The following CD84 variants were observed in gnomAD, a reference collection of about 807,000 sequenced individuals.
CD84 encodes CD84 molecule.
A neutral mutation model predicts 33.8 loss-of-function variants in CD84; 22 were observed. The ratio of observed to expected loss-of-function variants is 0.65; its 90% CI spans 0.46 to 0.93. The LOEUF is 0.93. Ranked by LOEUF, CD84 falls within the 40% of genes least tolerant of loss-of-function variation. CD84 has a pLI of 0.00. For missense variants in CD84, 400 were observed against 397.6 expected, an observed-to-expected ratio of 1.01 and a Z score of -0.05; for synonymous variants, 154 against 145.2, an observed-to-expected ratio of 1.06 and a Z score of -0.44.
chr1:160,569,623 CAG>C (rs750797735), intron 1 of CD84, among the ~76,000 whole-genome samples: 2 of 151,866 alleles, frequency 1.3e-5, no homozygotes, highest in African/African-American at 4.8e-5. Flanking sequence ...ATGGTAGAAA[CAG>C]TGATTACGGT....
chr1:160,575,163 G>C (rs1437461428), intron 1 of CD84, among the ~76,000 whole-genome samples: 1 of 152,028 alleles, frequency 6.6e-6, no homozygotes, highest in Admixed American at 6.6e-5. Flanking sequence ...TCCACCCACT[G>C]CCTCCTAGAG....
intron 4 of CD84, 143 bp from the exon 5 acceptor site, chr1:160,551,178 A>G (rs1054115300): frequency 1.5e-5 from 10 of 681,468 alleles, no homozygotes; most frequent in African/African-American, 3.6e-5. Context: ...GGATGCTTGG[A>G]TCCTCAGAAT....
At chr1:160,553,179 A>C in intron 4 of CD84, 199 bp downstream of exon 4, 1 of 844,366 alleles carries the variant, frequency 1.2e-6, no homozygotes, top group South Asian at 1.6e-5. Flanking sequence ...TGGTGATCTC[A>C]GGAATGGATT....
rs772917681 is a variant in CD84 at position 160,553,844 on chromosome 1, C to A, written c.640+51G>T. 3.1e-6 allele frequency: 5 copies of A among 1,613,446 alleles called. No homozygotes were observed. The Admixed American group carries it at 5.0e-5, about 16-fold the overall frequency. On this transcript the variant is annotated intron_variant, in intron 3 of 6. Coordinates refer to ENST00000368054, the MANE Select transcript of CD84 (RefSeq NM_003874.4). ...TGGCCCACGTTCAGACCTTGCAGCT[C>A]CTCAGAGTGATCTCTGAGACTCACC...
chr1:160,547,722 G>A lies in CD84; in HGVS notation c.*534C>T, dbSNP rs1655912767. ...GGGCTGCATCTGCCTCAAGCGAAGG[G>A]TACATTTTCCTAATTTGCTCAAGAT... On this transcript the variant is annotated 3_prime_UTR_variant, in exon 7 of 7. Coordinates refer to ENST00000368054, the MANE Select transcript of CD84 (RefSeq NM_003874.4). 1 of 159,398 alleles carries A rather than the reference G, an allele frequency of 6.3e-6. No individual in the cohort carries two copies. 9.9% of individuals were successfully genotyped at this position (159,398 alleles called of 1,614,324 possible). A position where few individuals can be genotyped will look rare whatever the true frequency, so the allele number is the denominator to read the frequency against.
chr1:160,579,478 G>T lies in CD84; in HGVS notation c.-41C>A, dbSNP rs375734021. Reference sequence around the variant, plus strand: ...ACCTTCTGTGGAAAAGCACGGCACTGTTCTAGCAGAGTCAGTTTCACTTGA... The same window carrying T: ...ACCTTCTGTGGAAAAGCACGGCACTTTTCTAGCAGAGTCAGTTTCACTTGA... On this transcript the variant is annotated 5_prime_UTR_variant, in exon 1 of 7. Coordinates refer to ENST00000368054, the MANE Select transcript of CD84 (RefSeq NM_003874.4). The T allele has an allele frequency of 2.2e-5, 35 of 1,604,430 alleles. No individual in the cohort carries two copies. Among genetic ancestry groups the T allele is most frequent in the Non-Finnish European group, 2.9e-5 (34 of 1,175,820 alleles).
At chr1:160,573,768 C>T (rs1425006711) in intron 1 of CD84, among the ~76,000 whole-genome samples, 2 of 152,128 alleles carry the variant, frequency 1.3e-5, no homozygotes, top group East Asian at 1.9e-4. Flanking sequence ...CAACCCATCC[C>T]CTCAATACAC....
At chr1:160,573,195 T>C (rs956757199) in intron 1 of CD84, among the ~76,000 whole-genome samples, 9 of 151,978 alleles carry the variant, frequency 5.9e-5, no homozygotes, top group African/African-American at 1.7e-4. Context: ...TATATATAGA[T>C]TGTATAAAGA....
chr1:160,551,030 C>G lies in CD84; in HGVS notation c.766G>C (p.Ala256Pro). ...TATGTGTATATGGTTTTCTTTGAGGCAGCATCTGTCTCACAAATAAATATA... is the reference window on the plus strand; with the variant it reads ...TATGTGTATATGGTTTTCTTTGAGGGAGCATCTGTCTCACAAATAAATATA... ...FRLFKRRQDA[A>P]SKKTIYTYIM... The change falls in exon 5 of 7, where the codon GCC becomes CCC. Residue 256 changes from alanine (A) to proline (P), a missense_variant. Coordinates refer to ENST00000368054, the MANE Select transcript of CD84 (RefSeq NM_003874.4). 3 of 1,611,876 alleles carry G rather than the reference C, an allele frequency of 1.9e-6. No individual in the cohort carries two copies. Among genetic ancestry groups the G allele is most frequent in the Non-Finnish European group, 2.5e-6 (3 of 1,177,956 alleles).
intron 6 of CD84, among the ~76,000 whole-genome samples, chr1:160,549,384 C>A (rs990676406): frequency 2.6e-5 from 4 of 152,188 alleles, no homozygotes; most frequent in Admixed American, 2.0e-4. Context: ...ATTTAAAGTC[C>A]TGTCAGAGGG....
At chr1:160,579,277 G>C in intron 1 of CD84, 115 bp downstream of exon 1, 2 of 1,430,316 alleles carry the variant, frequency 1.4e-6, no homozygotes, top group Non-Finnish European at 1.9e-6. Context: ...TAGATACTGA[G>C]ACCCAGGGTG....
chr1:160,569,400 A>G (rs1241042957), intron 1 of CD84, among the ~76,000 whole-genome samples: 1 of 152,192 alleles, frequency 6.6e-6, no homozygotes, highest in African/African-American at 2.4e-5. Flanking sequence ...TTTCAGAGAT[A>G]ACTTGTGGCA....
intron 4 of CD84, among the ~76,000 whole-genome samples, chr1:160,552,094 C>T (rs2654923): frequency 1.3e-5 from 2 of 152,192 alleles, no homozygotes; most frequent in African/African-American, 4.8e-5. Flanking sequence ...AATAACAGGT[C>T]TGAGCTGAGC....
intron 1 of CD84, among the ~76,000 whole-genome samples, chr1:160,567,724 G>A (rs1490729014): frequency 6.6e-6 from 1 of 152,156 alleles, no homozygotes; most frequent in Non-Finnish European, 1.5e-5. Context: ...TCAGAAAGAG[G>A]CTAATGCTGC....
At chr1:160,576,431 C>T (rs975700965) in intron 1 of CD84, among the ~76,000 whole-genome samples, 3 of 152,134 alleles carry the variant, frequency 2.0e-5, no homozygotes, top group African/African-American at 7.2e-5. Context: ...GGTATTCTGC[C>T]TCACTGCCCT....
chr1:160,570,770 G>A (rs7521247), intron 1 of CD84, among the ~76,000 whole-genome samples: 81,841 of 152,032 alleles, frequency 0.54, 24,609 homozygotes, highest in Non-Finnish European at 0.67. Flanking sequence ...GCTGAGATGA[G>A]AGGATCACCT....
intron 4 of CD84, among the ~76,000 whole-genome samples, chr1:160,552,064 A>G (rs1349886246): frequency 1.3e-5 from 2 of 152,196 alleles, no homozygotes; most frequent in Non-Finnish European, 2.9e-5. Context: ...TTCATAATCC[A>G]GGGCACCAAC....
intron 2 of CD84, among the ~76,000 whole-genome samples, chr1:160,556,764 C>T (rs982412794): frequency 1.3e-5 from 2 of 152,172 alleles, no homozygotes; most frequent in African/African-American, 4.8e-5. Flanking sequence ...TACAGTACAG[C>T]TTTCTCTAAG....
intron 2 of CD84, among the ~76,000 whole-genome samples, chr1:160,559,268 C>G (rs72708832): frequency 0.22 from 34,067 of 152,144 alleles, 4,477 homozygotes; most frequent in Middle Eastern, 0.35. Flanking sequence ...GCACATCAGA[C>G]TAAAAGTGTA....
Sources: allele counts gnomAD v4.1 joint callset (sites outside exome capture counted in the v4.1 genomes callset), GRCh38; gene constraint gnomAD v4.1.1; transcripts MANE v1.5; gene names NCBI Gene and HGNC (gene_info 2026-07-23, HGNC 2026-07-21).